Variants in PRKCB observed in about 807,000 individuals in gnomAD.
The protein encoded by PRKCB is protein kinase C beta type.
A neutral mutation model predicts 81.5 loss-of-function variants in PRKCB; 13 were observed. The observed-to-expected ratio is 0.16, with a 90% CI of 0.10 to 0.25. The LOEUF is 0.25. PRKCB is among the 10% of genes least tolerant of loss of function. PRKCB has a pLI of 1.00. For synonymous variants in PRKCB, 335 were observed against 321.4 expected (o/e 1.04, Z -0.45); for missense variants, 509 against 875.7 (o/e 0.58, Z 5.29).
intron 15 of PRKCB, among the ~76,000 whole-genome samples, chr16:24,187,236 A>G (rs1188506352): frequency 6.6e-6 from 1 of 152,226 alleles, no homozygotes; most frequent in Non-Finnish European, 1.5e-5. Flanking sequence ...AGTCAGCTGG[A>G]TTGGAAACCA....
chr16:24,013,912 G>A (rs1057454046), intron 3 of PRKCB, among the ~76,000 whole-genome samples: 11 of 152,180 alleles, frequency 7.2e-5, no homozygotes, highest in African/African-American at 1.2e-4. Context: ...ATCAGAGCCT[G>A]CCTGGACTTG....
At chr16:23,981,720 CCCCTTCCCTTCCCCTTCCCTTCCCCTT>C (rs1964711332) in intron 2 of PRKCB, among the ~76,000 whole-genome samples, 1 of 49,576 alleles carries the variant, frequency 2.0e-5, no homozygotes. Flanking sequence ...CCTTTCCCTT[CCCCTTCCCTTCCCCTTCCCTTCCCCTT>C]CCCTTCCCTT....
At chr16:24,044,723 CT>C (rs1312887577) in intron 5 of PRKCB, among the ~76,000 whole-genome samples, 1 of 152,216 alleles carries the variant, frequency 6.6e-6, no homozygotes, top group African/African-American at 2.4e-5. Context: ...GCAGAGTTCA[CT>C]GCGTAGTTGT....
At chr16:24,132,771 CTTT>C (rs750021427) in intron 9 of PRKCB, among the ~76,000 whole-genome samples, 14 of 100,966 alleles carry the variant, frequency 1.4e-4, no homozygotes, top group Admixed American at 1.0e-4. Flanking sequence ...TGATTTGGGG[CTTT>C]TTTTTTTTTT....
rs371761150 is a variant in PRKCB at position 24,216,747 on chromosome 16, A to T, written c.*1931A>T. On this transcript the variant is annotated 3_prime_UTR_variant, in exon 17 of 17. Transcript: ENST00000643927. ...AAGCAAACTTGAAGTTCTATCTGAC[A>T]AGTTTAGGCAGTAAGAGAAGGAGGG... 4.3e-5 allele frequency: 42 copies of T among 985,468 alleles called. No homozygotes were observed. The East Asian group carries it at 4.0e-3, about 93-fold the overall frequency. 61.0% of individuals were successfully genotyped at this position (985,468 alleles called of 1,614,324 possible).
chr16:24,174,303 C>G (rs137932608), intron 11 of PRKCB: 3 of 518,548 alleles, frequency 5.8e-6, no homozygotes, highest in African/African-American at 5.7e-5. Context: ...TGAACTTCTG[C>G]CTACCCCCAG....
intron 2 of PRKCB, among the ~76,000 whole-genome samples, chr16:23,940,800 G>T (rs962251687): frequency 6.6e-6 from 1 of 152,030 alleles, no homozygotes; most frequent in African/African-American, 2.4e-5. Flanking sequence ...TGGTACTCTC[G>T]GATTTATGTC....
chr16:24,109,487 G>C (rs1178730959), intron 7 of PRKCB, among the ~76,000 whole-genome samples: 1 of 115,962 alleles, frequency 8.6e-6, no homozygotes. Flanking sequence ...GGGCAGAGGC[G>C]CTCCCCACAT....
chr16:24,105,063 T>A lies in PRKCB; in HGVS notation c.822-7910T>A, dbSNP rs543744957. Among the ~76,000 whole-genome samples the A allele has an allele frequency of 4.4e-3, 672 of 151,900 alleles. 9 individuals are homozygous for A. The highest frequency in any genetic ancestry group is 0.016 in the African/African-American group (643 of 41,422). The stretch of plus-strand genomic sequence containing the variant: ...AAGCGGCACGTTGTTGGATTTTTTT[T>A]TTTTTATTTTTGAGACAGAGTCTCA... On this transcript the variant is annotated intron_variant, in intron 7 of 16. Coordinates refer to ENST00000643927, the MANE Select transcript of PRKCB (RefSeq NM_002738.7).
chr16:24,205,779 A>C (rs1968037598), intron 16 of PRKCB, among the ~76,000 whole-genome samples: 1 of 152,246 alleles, frequency 6.6e-6, no homozygotes, highest in African/African-American at 2.4e-5. Context: ...TGTGGCTTAC[A>C]GTCTAGATGA....
chr16:24,198,614 C>A (rs149376718), intron 16 of PRKCB, among the ~76,000 whole-genome samples: 1 of 152,220 alleles, frequency 6.6e-6, no homozygotes, highest in Non-Finnish European at 1.5e-5. Context: ...CTGGGGGTTA[C>A]AGGCGTGAGC....
intron 2 of PRKCB, among the ~76,000 whole-genome samples, chr16:23,848,118 G>T (rs189711189): frequency 3.2e-4 from 48 of 152,304 alleles, no homozygotes; most frequent in African/African-American, 1.1e-3. Context: ...GAAGAAGAGG[G>T]TGTGAGGGAG....
chr16:24,097,776 G>A (rs1966462619), intron 7 of PRKCB, among the ~76,000 whole-genome samples: 1 of 152,174 alleles, frequency 6.6e-6, no homozygotes, highest in Non-Finnish European at 1.5e-5. Context: ...GTGGGACGGG[G>A]AGGTGCTTCC....
At chr16:23,967,474 A>C (rs928118967) in intron 2 of PRKCB, among the ~76,000 whole-genome samples, 2 of 152,202 alleles carry the variant, frequency 1.3e-5, no homozygotes, top group African/African-American at 4.8e-5. Context: ...AAAGTGGAGA[A>C]GTAATTTAAA....
chr16:24,129,571 C>T (rs189902055), intron 9 of PRKCB, among the ~76,000 whole-genome samples: 27 of 152,170 alleles, frequency 1.8e-4, no homozygotes, highest in South Asian at 6.2e-4. Context: ...AATCTATCAT[C>T]TATCTACCTA....
intron 5 of PRKCB, among the ~76,000 whole-genome samples, chr16:24,084,369 C>T (rs2141894808): frequency 6.6e-6 from 1 of 152,008 alleles, no homozygotes; most frequent in Non-Finnish European, 1.5e-5. Flanking sequence ...TAATCATGAA[C>T]CTAGGGCCAA....
intron 10 of PRKCB, among the ~76,000 whole-genome samples, chr16:24,164,212 G>C (rs1967307513): frequency 6.6e-6 from 1 of 152,222 alleles, no homozygotes; most frequent in Middle Eastern, 3.4e-3. Flanking sequence ...GGGGAAGATT[G>C]TCTCTTTGAA....
intron 3 of PRKCB, among the ~76,000 whole-genome samples, chr16:23,989,217 G>A (rs543949235): frequency 2.0e-5 from 3 of 152,286 alleles, no homozygotes; most frequent in Middle Eastern, 6.8e-3. Flanking sequence ...CGCCGCCTCG[G>A]CCTCCCAAAG....
intron 2 of PRKCB, among the ~76,000 whole-genome samples, chr16:23,909,818 G>A (rs1474540177): frequency 6.6e-6 from 1 of 152,106 alleles, no homozygotes; most frequent in Non-Finnish European, 1.5e-5. Context: ...ATTCTGTGGT[G>A]TATATAGACC....
Sources: allele counts gnomAD v4.1 joint callset (sites outside exome capture counted in the v4.1 genomes callset), GRCh38; gene constraint gnomAD v4.1.1; transcripts MANE v1.5; gene names NCBI Gene and HGNC (gene_info 2026-07-23, HGNC 2026-07-21).